Variants in PDE4B observed in about 807,000 individuals in gnomAD.
PDE4B encodes 3',5'-cyclic-AMP phosphodiesterase 4B.
A neutral mutation model predicts 82.2 loss-of-function variants in PDE4B; 20 were observed. That is an observed-to-expected ratio of 0.24 (90% CI 0.17 to 0.35). The LOEUF is 0.35. Ranked by LOEUF, PDE4B falls within the 10% of genes least tolerant of loss-of-function variation. PDE4B has a pLI of 1.00. For synonymous variants in PDE4B, 320 were observed against 318.9 expected (o/e 1.00, Z -0.04); for missense variants, 655 against 907.2 (o/e 0.72, Z 3.57).
chr1:66,228,667 CTTTA>C (rs1651676951), intron 3 of PDE4B, among the ~76,000 whole-genome samples: 1 of 150,880 alleles, frequency 6.6e-6, no homozygotes, highest in East Asian at 2.0e-4. Flanking sequence ...CTAAACAGGG[CTTTA>C]TTTGTCTCAT....
intron 3 of PDE4B, among the ~76,000 whole-genome samples, chr1:66,218,791 T>C (rs1650720346): frequency 1.3e-5 from 2 of 152,180 alleles, no homozygotes; most frequent in Admixed American, 1.3e-4. Flanking sequence ...CTCTTAACAC[T>C]TATTACAAGG....
intron 4 of PDE4B, among the ~76,000 whole-genome samples, chr1:66,253,272 C>T (rs1474918099): frequency 1.3e-5 from 2 of 151,920 alleles, no homozygotes; most frequent in African/African-American, 2.4e-5. Flanking sequence ...ATATGACAGA[C>T]AAAAATTAAG....
At chr1:65,922,629 A>G (rs970120527) in intron 3 of PDE4B, among the ~76,000 whole-genome samples, 1 of 152,188 alleles carries the variant, frequency 6.6e-6, no homozygotes. Context: ...CTACCCCTAC[A>G]AAACTTGTAG....
At chr1:66,043,782 C>A (rs1654528032) in intron 3 of PDE4B, among the ~76,000 whole-genome samples, 3 of 151,668 alleles carry the variant, frequency 2.0e-5, no homozygotes, top group African/African-American at 7.3e-5. Flanking sequence ...AGAGAACCAA[C>A]ACAAAACAGG....
intron 7 of PDE4B, among the ~76,000 whole-genome samples, chr1:66,330,217 G>T (rs1660008288): frequency 1.3e-5 from 2 of 152,140 alleles, no homozygotes; most frequent in African/African-American, 2.4e-5. Flanking sequence ...CATTTTGATG[G>T]CTGATCTGAA....
At chr1:66,193,732 T>A (rs1383510380) in intron 3 of PDE4B, among the ~76,000 whole-genome samples, 1 of 152,102 alleles carries the variant, frequency 6.6e-6, no homozygotes, top group Admixed American at 6.6e-5. Context: ...TTTGGAGAAA[T>A]AAACATAAAT....
At chr1:66,004,382 A>T (rs1295345928) in intron 3 of PDE4B, among the ~76,000 whole-genome samples, 4 of 152,164 alleles carry the variant, frequency 2.6e-5, no homozygotes, top group Non-Finnish European at 5.9e-5. Flanking sequence ...GATATTACTT[A>T]GTTTCATAGG....
chr1:66,080,519 G>A (rs1052266832), intron 3 of PDE4B, among the ~76,000 whole-genome samples: 1 of 152,066 alleles, frequency 6.6e-6, no homozygotes, highest in East Asian at 1.9e-4. Flanking sequence ...TTTACTGTTT[G>A]GATGTTATTG....
intron 3 of PDE4B, among the ~76,000 whole-genome samples, chr1:66,160,076 G>C (rs1198015993): frequency 2.0e-5 from 3 of 152,188 alleles, no homozygotes; most frequent in Admixed American, 1.3e-4. Context: ...GAACCAAATA[G>C]AGTCCTCACA....
At chr1:66,244,247 T>G (rs191374424) in intron 3 of PDE4B, among the ~76,000 whole-genome samples, 12 of 152,284 alleles carry the variant, frequency 7.9e-5, no homozygotes, top group African/African-American at 2.6e-4. Flanking sequence ...AGAAAAAATA[T>G]TCAGAAGAGA....
At chr1:66,190,541 C>A (rs1283254085) in intron 3 of PDE4B, among the ~76,000 whole-genome samples, 2 of 152,200 alleles carry the variant, frequency 1.3e-5, no homozygotes, top group African/African-American at 4.8e-5. Flanking sequence ...TGGCGGGCAC[C>A]CCTCCCCCAG....
intron 8 of PDE4B, among the ~76,000 whole-genome samples, chr1:66,341,032 C>A (rs1660943462): frequency 6.6e-6 from 1 of 152,154 alleles, no homozygotes; most frequent in South Asian, 2.1e-4. Flanking sequence ...TACATGATTA[C>A]ATTAGACAAA....
intron 1 of PDE4B, among the ~76,000 whole-genome samples, chr1:65,901,016 A>T (rs1271183896): frequency 3.3e-5 from 5 of 152,024 alleles, no homozygotes; most frequent in Non-Finnish European, 7.4e-5. Context: ...GAGAGTGGGA[A>T]TCCTTGTCTT....
intron 3 of PDE4B, among the ~76,000 whole-genome samples, chr1:65,998,897 T>C (rs1420828093): frequency 6.6e-6 from 1 of 152,110 alleles, no homozygotes; most frequent in African/African-American, 2.4e-5. Context: ...GATATTATCT[T>C]AGTCCACAAT....
chr1:66,025,398 C>G lies in PDE4B; in HGVS notation c.281+106563C>G, dbSNP rs558896798. ...CTGTCAAGTAAGCTAAATTCCTTAT[C>G]TCTTTACAAGCCTAATAACCCAGTT... On this transcript the variant is annotated intron_variant, in intron 3 of 16. Transcript: ENST00000341517. 2.0e-5 allele frequency among the ~76,000 whole-genome samples: 3 copies of G among 152,206 alleles called. No homozygotes were observed. The East Asian group carries it at 5.8e-4, about 29-fold the overall frequency.
At chr1:65,853,890 A>G (rs917455669) in intron 1 of PDE4B, among the ~76,000 whole-genome samples, 14 of 152,146 alleles carry the variant, frequency 9.2e-5, no homozygotes, top group African/African-American at 3.4e-4. Flanking sequence ...GGCAGAATTA[A>G]ACTAATACCC....
intron 7 of PDE4B, among the ~76,000 whole-genome samples, chr1:66,306,816 A>G (rs1351138704): frequency 6.6e-6 from 1 of 152,142 alleles, no homozygotes; most frequent in Non-Finnish European, 1.5e-5. Context: ...TTCCCTAAAC[A>G]GTGTTTCATT....
intron 7 of PDE4B, among the ~76,000 whole-genome samples, chr1:66,295,556 G>A (rs1184846238): frequency 6.6e-6 from 1 of 152,108 alleles, no homozygotes; most frequent in Non-Finnish European, 1.5e-5. Flanking sequence ...AGCCTCTCAT[G>A]TAGCTACAAC....
At chr1:65,794,331 A>C (rs1645607804) in intron 1 of PDE4B, among the ~76,000 whole-genome samples, 1 of 152,132 alleles carries the variant, frequency 6.6e-6, no homozygotes, top group Non-Finnish European at 1.5e-5. Flanking sequence ...AAAAGTAATA[A>C]ATGTCCAGAT....
Sources: gnomAD v4.1 joint callset for allele counts (sites outside exome capture counted in the v4.1 genomes callset) on GRCh38, gnomAD v4.1.1 for gene constraint, MANE v1.5 for transcripts, NCBI Gene and HGNC (gene_info 2026-07-23, HGNC 2026-07-21) for gene names.